The following ITPKB variants were observed in gnomAD, a reference collection of about 807,000 sequenced individuals.
ITPKB encodes the protein IP3 3-kinase B.
ITPKB carries 13 observed loss-of-function variants against 69.4 expected under a neutral mutation model. That is an observed-to-expected ratio of 0.19 (90% CI 0.12 to 0.30). The LOEUF (loss-of-function observed/expected upper bound fraction) is 0.30, where lower values mean the gene tolerates loss of function less well. Ranked by LOEUF, ITPKB falls within the 10% of genes least tolerant of loss-of-function variation. The pLI is 1.00. For missense variants in ITPKB, 1,240 were observed against 1,250.5 expected (o/e 0.99, Z 0.13); for synonymous variants, 584 against 513.7 (o/e 1.14, Z -1.85).
chr1:226,674,125 A>G (rs1350087000), intron 2 of ITPKB, among the ~76,000 whole-genome samples: 3 of 152,208 alleles, frequency 2.0e-5, no homozygotes, highest in Non-Finnish European at 4.4e-5. Flanking sequence ...TAAAAGCTGT[A>G]AGAAAAACTG....
Position 226,737,879 on chromosome 1 carries a change from C to T in ITPKB, c.-205-216G>A, listed in dbSNP as rs1280263933. 2.0e-5 allele frequency among the ~76,000 whole-genome samples: 3 copies of T among 152,294 alleles called. No homozygotes were observed. In the East Asian group the frequency reaches 5.8e-4, roughly 29 times the overall value. ...TTCGGGTGTGCTTCCCCGCCCCCCA[C>T]CTCGCCCCAGGCTGCGATGCGCTTT... is the stretch of plus-strand genomic sequence containing the variant. On this transcript the variant is annotated intron_variant, in intron 1 of 7. Transcript: ENST00000429204.
chr1:226,718,572 C>T (rs1475168641), intron 2 of ITPKB, among the ~76,000 whole-genome samples: 1 of 152,124 alleles, frequency 6.6e-6, no homozygotes, highest in Non-Finnish European at 1.5e-5. Context: ...TGCACCCCAA[C>T]CCGGGCAAGC....
intron 2 of ITPKB, among the ~76,000 whole-genome samples, chr1:226,685,130 A>G (rs2102776665): frequency 6.6e-6 from 1 of 152,350 alleles, no homozygotes; most frequent in Admixed American, 6.5e-5. Flanking sequence ...GGAACAACAC[A>G]GTAAGAGATT....
intron 2 of ITPKB, among the ~76,000 whole-genome samples, chr1:226,715,038 C>G (rs1318419154): frequency 6.6e-6 from 1 of 152,232 alleles, no homozygotes; most frequent in Non-Finnish European, 1.5e-5. Context: ...ATGAGAAACT[C>G]TAAGAATATC....
intron 2 of ITPKB, among the ~76,000 whole-genome samples, chr1:226,709,132 A>G (rs1656881226): frequency 1.3e-5 from 2 of 152,220 alleles, no homozygotes; most frequent in Non-Finnish European, 2.9e-5. Context: ...GGATTCACCC[A>G]TTTCACAAAG....
chr1:226,735,687 C>T lies in ITPKB; in HGVS notation c.1772G>A (p.Gly591Asp). The change falls in exon 2 of 8, where the codon GGC becomes GAC. Residue 591 changes from glycine to aspartate, a missense_variant. Gly to Asp is a moderately conservative substitution (Grantham distance 94). Around this residue, in one of 2 missense-constraint regions of ITPKB, gnomAD observed 992 missense variants for 853.8 expected, o/e 1.16. Coordinates refer to ENST00000429204, the MANE Select transcript of ITPKB (RefSeq NM_002221.4). ...GGACAGTTTCCTCAGGGGCAGGTTG[C>T]CCCGAGGGCTTCCCTGCGTCTCCTC... ...ALEETQGSPR[G>D]NLPLRKLSSS... 2 of 1,602,256 alleles carry T rather than the reference C, an allele frequency of 1.2e-6. No homozygotes were observed. The highest frequency in any genetic ancestry group is 1.7e-6 in the Non-Finnish European group (2 of 1,173,628).
intron 2 of ITPKB, chr1:226,707,623 G>A (rs1656835167): frequency 1.0e-6 from 1 of 990,560 alleles, no homozygotes; most frequent in East Asian, 1.1e-4. Flanking sequence ...GGATAAATAG[G>A]CAGTGTACAC....
At chr1:226,648,624 C>T (rs1253229701) in intron 3 of ITPKB, 48 bp downstream of exon 3, 4 of 1,203,840 alleles carry the variant, frequency 3.3e-6, no homozygotes, top group Non-Finnish European at 5.0e-6. Context: ...GGCACCTCCC[C>T]AGAGGGCTGA....
chr1:226,695,737 T>C (rs1021793862), intron 2 of ITPKB, among the ~76,000 whole-genome samples: 3 of 152,150 alleles, frequency 2.0e-5, no homozygotes, highest in African/African-American at 7.2e-5. Flanking sequence ...TGCAGCAGAA[T>C]TGGAAGACAG....
chr1:226,681,033 AC>A (rs1464712390), intron 2 of ITPKB, among the ~76,000 whole-genome samples: 1 of 151,422 alleles, frequency 6.6e-6, no homozygotes, highest in Non-Finnish European at 1.5e-5. Context: ...GCTCTCTGAA[AC>A]TCCCCTCCCC....
chr1:226,649,405 CAT>C (rs1669130648), intron 2 of ITPKB, among the ~76,000 whole-genome samples: 5 of 132,564 alleles, frequency 3.8e-5, no homozygotes, highest in African/African-American at 8.4e-5. Context: ...AGTGTGTGTG[CAT>C]GTGTGATATG....
intron 2 of ITPKB, among the ~76,000 whole-genome samples, chr1:226,711,542 G>A (rs779194695): frequency 2.6e-5 from 4 of 151,796 alleles, no homozygotes; most frequent in Non-Finnish European, 5.9e-5. Flanking sequence ...TCAGTGTGCT[G>A]GACAGTCCCA....
At chr1:226,724,337 G>A (rs566872918) in intron 2 of ITPKB, among the ~76,000 whole-genome samples, 1 of 152,210 alleles carries the variant, frequency 6.6e-6, no homozygotes, top group African/African-American at 2.4e-5. Flanking sequence ...CAGACCCCAT[G>A]ACTTCTCCTC....
chr1:226,632,707 A>AC lies in ITPKB; in HGVS notation c.*1963_*1964insG, dbSNP rs1453358999. On this transcript the variant is annotated 3_prime_UTR_variant, in exon 8 of 8. Transcript: ENST00000429204. ...TTTGCAAACAGCTGGTGTCTGCCTAAAGTGCTTGGAACATTTTGTTCTCTT... is the reference window on the plus strand; with the variant it reads ...TTTGCAAACAGCTGGTGTCTGCCTAACAGTGCTTGGAACATTTTGTTCTCTT... 6.2e-4 allele frequency: 95 copies of AC among 152,780 alleles called. No individual in the cohort carries two copies. The highest frequency in any genetic ancestry group is 7.3e-5 in the Non-Finnish European group (5 of 68,038). 9.5% of individuals were successfully genotyped at this position (152,780 alleles called of 1,614,324 possible).
intron 2 of ITPKB, among the ~76,000 whole-genome samples, chr1:226,700,644 A>G (rs1010932551): frequency 6.6e-6 from 1 of 152,152 alleles, no homozygotes; most frequent in Admixed American, 6.5e-5. Context: ...GTGTTTTCAC[A>G]GAAAATAGCT....
Position 226,639,641 on chromosome 1 carries a change from C to T in ITPKB, c.2469G>A (p.Val823=), listed in dbSNP as rs535805470. 21 of 1,613,496 alleles carry T rather than the reference C, an allele frequency of 1.3e-5. No individual in the cohort carries two copies. The African/African-American group carries it at 2.8e-4, about 22-fold the overall frequency. ...IEGIKKEDGT[V]NRDFKKTKTR... is the part of the protein sequence containing the mutation. ...TTTTGGTCTTCTTGAAGTCCCGGTT[C>T]ACGGTGCCGTCTTCTTTCTGAGAAA... Residue 823 remains valine, a synonymous_variant, in exon 6 of 8, where the codon GTG becomes GTA. Coordinates refer to ENST00000429204, the MANE Select transcript of ITPKB (RefSeq NM_002221.4).
intron 2 of ITPKB, among the ~76,000 whole-genome samples, chr1:226,721,772 G>A (rs12042247): frequency 0.11 from 17,432 of 151,858 alleles, 1,224 homozygotes; most frequent in Non-Finnish European, 0.15. Context: ...TGGGATTACA[G>A]GCGTGAGCCA....
At chr1:226,635,234 C>T (rs1484490664) in intron 7 of ITPKB, among the ~76,000 whole-genome samples, 2 of 152,076 alleles carry the variant, frequency 1.3e-5, no homozygotes, top group Non-Finnish European at 2.9e-5. Context: ...TTCCTTCCTT[C>T]CTTCCAGACA....
chr1:226,654,028 T>C (rs964845797), intron 2 of ITPKB, among the ~76,000 whole-genome samples: 5 of 152,100 alleles, frequency 3.3e-5, no homozygotes, highest in African/African-American at 1.2e-4. Context: ...GGAGCTTCAA[T>C]TCACTCAGAG....
Sources: gnomAD v4.1 joint callset for allele counts (sites outside exome capture counted in the v4.1 genomes callset) on GRCh38, gnomAD v4.1.1 for gene constraint, gnomAD v4.1.1 regional missense constraint, MANE v1.5 for transcripts, NCBI Gene and HGNC (gene_info 2026-07-23, HGNC 2026-07-21) for gene names.